The following KNL1 variants were observed in gnomAD, a reference collection of about 807,000 sequenced individuals.
KNL1 encodes the protein outer kinetochore KNL1 complex subunit KNL1.
A neutral mutation model predicts 201.3 loss-of-function variants in KNL1; 66 were observed. The observed-to-expected ratio is 0.33, with a 90% confidence interval of 0.27 to 0.40. KNL1 has a LOEUF of 0.40. KNL1 is among the 10% of genes least tolerant of loss of function. The pLI is 1.00. For synonymous variants in KNL1, 895 were observed against 899.2 expected (o/e 1.00, Z 0.08); for missense variants, 2,815 against 2,690.5 (o/e 1.05, Z -1.02).
In KNL1 at chr15:40,622,609, T is replaced by G. The variant is rs963434584; in HGVS notation, c.2345T>G (p.Leu782Arg). Residue 782 changes from leucine to arginine, a missense_variant, in exon 10 of 26, where the codon CTT becomes CGT. This residue lies in a region of KNL1 where 2,464 missense variants were observed against 2,291.7 expected (regional missense o/e 1.08). Transcript: ENST00000399668. ...TTTGGTCCTTCTGAACTACAAGAACTTGGTAAAACTAATTTAGAACACACT... is the reference window on the plus strand; with the variant it reads ...TTTGGTCCTTCTGAACTACAAGAACGTGGTAAAACTAATTTAGAACACACT... ...IGFGPSELQE[L>R]GKTNLEHTTG... 25 of 1,604,966 alleles carry G rather than the reference T, an allele frequency of 1.6e-5. No homozygotes were observed. Among genetic ancestry groups the G allele is most frequent in the Non-Finnish European group, 1.9e-5 (22 of 1,176,432 alleles).
chr15:40,594,849 G>C (rs1003756056), intron 1 of KNL1, among the ~76,000 whole-genome samples: 2 of 152,226 alleles, frequency 1.3e-5, no homozygotes, highest in Admixed American at 6.5e-5. Flanking sequence ...GCTCTTCGTG[G>C]TTTAAGGTGT....
At chr15:40,594,616 C>G (rs1413280967) in intron 1 of KNL1, among the ~76,000 whole-genome samples, 1 of 152,212 alleles carries the variant, frequency 6.6e-6, no homozygotes, top group Non-Finnish European at 1.5e-5. Flanking sequence ...TAACACTTCT[C>G]CGCCTGCACC....
At chr15:40,613,702 G>C (rs1892247651) in intron 7 of KNL1, among the ~76,000 whole-genome samples, 1 of 152,026 alleles carries the variant, frequency 6.6e-6, no homozygotes, top group African/African-American at 2.4e-5. Flanking sequence ...AGCCTCCTGG[G>C]TTCAAGCAAT....
intron 10 of KNL1, 112 bp downstream of exon 10, chr15:40,625,752 A>C (rs1892733175): frequency 7.7e-6 from 6 of 779,450 alleles, no homozygotes; most frequent in Non-Finnish European, 1.3e-5. Context: ...GCAGAAAATA[A>C]TTATTTCCAC....
chr15:40,632,753 C>T (rs924804112), intron 13 of KNL1, among the ~76,000 whole-genome samples: 1 of 152,132 alleles, frequency 6.6e-6, no homozygotes, highest in Non-Finnish European at 1.5e-5. Flanking sequence ...GGCTTGGTAG[C>T]TCATGCCTGT....
At position 40,623,306 on chromosome 15, in the gene KNL1, G is replaced by A. The variant is rs1416751055; in HGVS notation, c.3042G>A (p.Gln1014=). The A allele has an allele frequency of 6.2e-7, 1 of 1,613,904 alleles. No individual in the cohort carries two copies. The highest frequency in any genetic ancestry group is 8.5e-7 in the Non-Finnish European group (1 of 1,179,872). The change falls in exon 10 of 26, where the codon CAG becomes CAA. Residue 1014 remains glutamine (Q), a synonymous_variant. Transcript: ENST00000399668. ...ESDRLVANDS[Q]LTPLEEWSNN... ...ACCGTCTAGTAGCAAATGACAGCCAGCTAACCCCTCTGGAGGAATGGTCTA... is the reference window on the plus strand; with the variant it reads ...ACCGTCTAGTAGCAAATGACAGCCAACTAACCCCTCTGGAGGAATGGTCTA...
intron 12 of KNL1, 79 bp from the exon 13 acceptor site, chr15:40,629,194 C>G: frequency 1.3e-6 from 1 of 767,322 alleles, no homozygotes; most frequent in Non-Finnish European, 2.1e-6. Context: ...ATACCTTAAG[C>G]TTTTAGAAAC....
intron 5 of KNL1, among the ~76,000 whole-genome samples, chr15:40,609,415 A>T (rs1892085501): frequency 6.6e-6 from 1 of 152,112 alleles, no homozygotes; most frequent in African/African-American, 2.4e-5. Flanking sequence ...ACCCTGTCTC[A>T]AAAAAGAAAA....
At chr15:40,658,072 C>T (rs182611501) in intron 24 of KNL1, among the ~76,000 whole-genome samples, 4 of 152,108 alleles carry the variant, frequency 2.6e-5, no homozygotes, top group Admixed American at 2.0e-4. Context: ...TCAAGACCAG[C>T]CTGGCCAATA....
In KNL1 at chr15:40,623,595, G is replaced by A. The variant is rs2141723498; in HGVS notation, c.3331G>A (p.Ala1111Thr). 2 of 1,613,674 alleles carry A rather than the reference G, an allele frequency of 1.2e-6. No individual in the cohort carries two copies. The highest frequency in any genetic ancestry group is 8.5e-7 in the Non-Finnish European group (1 of 1,179,888). Residue 1111 changes from alanine (A) to threonine (T), a missense_variant, in exon 10 of 26, where the codon GCA becomes ACA. Transcript: ENST00000399668. ...ALEDKEDFHL[A>T]GASKTILYSC... The stretch of plus-strand genomic sequence containing the variant: ...GGAGGATAAAGAGGACTTCCATTTG[G>A]CAGGGGCTTCTAAAACTATTTTGTA...
Position 40,625,458 on chromosome 15 carries a change from G to A in KNL1, c.5194G>A (p.Glu1732Lys). ...EINSSDSINI[E>K]TEEKALIETY... The stretch of plus-strand genomic sequence containing the variant: ...CAATTCTTCAGACTCTATTAACATA[G>A]AAACTGAGGAAAAGGCCTTGATTGA... Residue 1732 changes from glutamate (E) to lysine (K), a missense_variant, in exon 10 of 26, where the codon GAA (glutamate) becomes AAA (lysine). Around this residue, in one of 3 missense-constraint regions of KNL1, gnomAD observed 2,464 missense variants for 2,291.7 expected, o/e 1.08. Coordinates refer to ENST00000399668, the MANE Select transcript of KNL1 (RefSeq NM_144508.5). The A allele has an allele frequency of 1.2e-6, 2 of 1,613,800 alleles. No individual in the cohort carries two copies. The highest frequency in any genetic ancestry group is 1.7e-6 in the Non-Finnish European group (2 of 1,179,942).
intron 14 of KNL1, among the ~76,000 whole-genome samples, chr15:40,643,587 G>A (rs981079267): frequency 2.0e-5 from 3 of 152,236 alleles, no homozygotes; most frequent in African/African-American, 7.2e-5. Context: ...GGAGATTGCA[G>A]TGAGCCAAGA....
rs751789871 is a variant in KNL1, at chr15:40,622,038, A to C, written c.1774A>C (p.Asn592His). The C allele has an allele frequency of 6.2e-7, 1 of 1,614,026 alleles. No homozygotes were observed. Among genetic ancestry groups the C allele is most frequent in the South Asian group, 1.1e-5 (1 of 91,072 alleles). The change falls in exon 10 of 26, where the codon AAT (asparagine) becomes CAT (histidine). Residue 592 changes from asparagine (N) to histidine (H), a missense_variant. Asn to His is a moderately conservative substitution (Grantham distance 68). Coordinates refer to ENST00000399668, the MANE Select transcript of KNL1 (RefSeq NM_144508.5). Reference sequence around the variant, plus strand: ...AAGTCAGGTTCCTCTTGCAGCTTATAATCTAGCACCGGAGAGTACCAGTGA... The same window carrying C: ...AAGTCAGGTTCCTCTTGCAGCTTATCATCTAGCACCGGAGAGTACCAGTGA... ...LGSQVPLAAYNLAPESTSESH... is the reference protein window; with the variant it reads ...LGSQVPLAAYHLAPESTSESH...
rs996202430 is a variant in KNL1 at position 40,623,071 on chromosome 15, C to T, written c.2807C>T (p.Thr936Ile). 6.2e-7 allele frequency: 1 copy of T among 1,613,818 alleles called. No individual in the cohort carries two copies. The highest frequency in any genetic ancestry group is 8.5e-7 in the Non-Finnish European group (1 of 1,179,838). ...ACTGTCTCACCAGATGAAATAACTA[C>T]TAGGCCTATGGACAAAACTGTAGTG... Reference protein sequence around the residue: ...CKTVSPDEITTRPMDKTVVFV... With the variant: ...CKTVSPDEITIRPMDKTVVFV... Residue 936 changes from threonine (T) to isoleucine (I), a missense_variant, in exon 10 of 26, where the codon ACT becomes ATT. This residue lies in a region of KNL1 where 2,464 missense variants were observed against 2,291.7 expected (regional missense o/e 1.08). Transcript: ENST00000399668.
rs761289014 is a variant in KNL1, at chr15:40,623,251, G to A, written c.2987G>A (p.Ser996Asn). The change falls in exon 10 of 26, where the codon AGT (serine) becomes AAT (asparagine). Residue 996 changes from serine (S) to asparagine (N), a missense_variant. Coordinates refer to ENST00000399668, the MANE Select transcript of KNL1 (RefSeq NM_144508.5). ...PTVICTPTEE[S>N]VFFPGNGESD... ...GTGATATGTACTCCTACTGAGGAGA[G>A]TGTTTTCTTTCCAGGAAATGGTGAA... The A allele has an allele frequency of 6.2e-6, 10 of 1,613,832 alleles. No individual in the cohort carries two copies. The Admixed American group carries it at 1.2e-4, about 19-fold the overall frequency.
intron 7 of KNL1, among the ~76,000 whole-genome samples, chr15:40,612,169 A>G (rs1337686512): frequency 6.6e-6 from 1 of 152,168 alleles, no homozygotes. Flanking sequence ...TACAAAAATT[A>G]GCCAGGTGTT....
In KNL1 at chr15:40,654,961, T is replaced by A. The variant is rs1280955431; in HGVS notation, c.6468T>A (p.Phe2156Leu). The A allele has an allele frequency of 1.9e-6, 3 of 1,612,590 alleles. No homozygotes were observed. The highest frequency in any genetic ancestry group is 2.5e-6 in the Non-Finnish European group (3 of 1,179,154). The change falls in exon 22 of 26, where the codon TTT becomes TTA. Residue 2156 changes from phenylalanine to leucine, a missense_variant. By Grantham distance (22) the Phe-to-Leu change is conservative. Transcript: ENST00000399668. ...ATAGGAAGATTGTTGATGTCAATTT[T>A]CAATCTCTGTTAGATGGTAAGTAGA... ...KRYRKIVDVN[F>L]QSLLDEDQAP...
At chr15:40,651,308 A>C (rs987130817) in intron 19 of KNL1, among the ~76,000 whole-genome samples, 163 bp from the exon 20 acceptor site, 18 of 152,038 alleles carry the variant, frequency 1.2e-4, no homozygotes, top group Non-Finnish European at 1.8e-4. Flanking sequence ...AAAAAAAAAA[A>C]AAAACTAAAC....
At chr15:40,618,905 A>G in intron 8 of KNL1, 54 bp from the exon 9 acceptor site, 4 of 1,151,830 alleles carry the variant, frequency 3.5e-6, no homozygotes, top group Non-Finnish European at 5.1e-6. Context: ...AGAAAAGGAA[A>G]ATCAGGCTCA....
Sources: allele counts gnomAD v4.1 joint callset (sites outside exome capture counted in the v4.1 genomes callset), GRCh38; gene constraint gnomAD v4.1.1; regional missense constraint gnomAD v4.1.1; transcripts MANE v1.5; gene names NCBI Gene and HGNC (gene_info 2026-07-23, HGNC 2026-07-21).